The following OR6J1 variants were observed in gnomAD, a reference collection of about 807,000 sequenced individuals.
The protein encoded by OR6J1 is olfactory receptor 6J1.
For missense variants in OR6J1, 304 were observed against 166.8 expected, an observed-to-expected ratio of 1.82 and a Z score of -4.53; for synonymous variants, 109 against 70.0, an observed-to-expected ratio of 1.56 and a Z score of -2.78.
chr14:22,640,483 GTA>G (rs760055333), intron 1 of OR6J1, among the ~76,000 whole-genome samples: 3 of 132,652 alleles, frequency 2.3e-5, no homozygotes, highest in Non-Finnish European at 3.2e-5. Context: ...CAGTGAGAAT[GTA>G]TTTTTTTTTT....
chr14:22,639,726 A>G (rs1443428928), intron 1 of OR6J1, among the ~76,000 whole-genome samples: 1 of 123,620 alleles, frequency 8.1e-6, no homozygotes, highest in Admixed American at 7.5e-5. Flanking sequence ...GTGTCCACTC[A>G]GGGTTAAATG....
intron 1 of OR6J1, among the ~76,000 whole-genome samples, chr14:22,636,556 G>A (rs1414333038): frequency 1.6e-4 from 18 of 115,642 alleles, no homozygotes; most frequent in Admixed American, 1.1e-3. Flanking sequence ...GATTGCAGGC[G>A]CACGCCGCCA....
At position 22,632,560 on chromosome 14, in the gene OR6J1, C is replaced by T. The variant is rs112854205; in HGVS notation, c.*1208G>A. The T allele has an allele frequency of 0.23, 35,308 of 151,930 alleles. 4,348 individuals are homozygous for T. The highest frequency in any genetic ancestry group is 0.32 in the African/African-American group (13,373 of 41,350). The allele number at this position is 151,930 out of a possible 1,614,324, so 9.4% of individuals were successfully genotyped here. A position where few individuals can be genotyped will look rare whatever the true frequency, so the allele number is the denominator to read the frequency against. ...CATCCTGGGCGACAGAGTGAGACTCCGTCTCAAAACAAAAACAAAACAGAT... is the reference window on the plus strand; with the variant it reads ...CATCCTGGGCGACAGAGTGAGACTCTGTCTCAAAACAAAAACAAAACAGAT... On this transcript the variant is annotated 3_prime_UTR_variant, in exon 2 of 2. Coordinates refer to ENST00000540461, the MANE Select transcript of OR6J1 (RefSeq NM_001348233.2).
intron 1 of OR6J1, among the ~76,000 whole-genome samples, chr14:22,635,629 T>G (rs1632549): frequency 0.23 from 35,331 of 151,998 alleles, 4,388 homozygotes; most frequent in African/African-American, 0.32. Context: ...GGCACAAATA[T>G]ACATAAAAAT....
intron 1 of OR6J1, among the ~76,000 whole-genome samples, chr14:22,643,750 CACACACACACACACAGAG>C (rs1177190806): frequency 4.9e-4 from 53 of 107,628 alleles, no homozygotes; most frequent in African/African-American, 1.7e-3. Flanking sequence ...CACACACACA[CACACACACACACACAGAG>C]AGAGAGAGAG....
intron 1 of OR6J1, among the ~76,000 whole-genome samples, chr14:22,640,529 C>T (rs1233226451): frequency 8.1e-6 from 1 of 123,292 alleles, no homozygotes; most frequent in Non-Finnish European, 1.6e-5. Flanking sequence ...CTTACTCTGT[C>T]ACCCAGGCTG....
chr14:22,641,266 A>AAAGAAAGAAAGAAAGGAAGG (rs1290848247), intron 1 of OR6J1, among the ~76,000 whole-genome samples: 4 of 122,786 alleles, frequency 3.3e-5, no homozygotes, highest in African/African-American at 1.3e-4. Context: ...AGAAAGAAAG[A>AAAGAAAGAAAGAAAGGAAGG]AAGGAAGGAA....
chr14:22,633,563 C>T lies in OR6J1; in HGVS notation c.*205G>A, dbSNP rs1423140293. 1 of 560,188 alleles carries T rather than the reference C, an allele frequency of 1.8e-6. No individual in the cohort carries two copies. The allele number at this position is 560,188 out of a possible 1,614,324, so 34.7% of individuals were successfully genotyped here. On this transcript the variant is annotated 3_prime_UTR_variant, in exon 2 of 2. Coordinates refer to ENST00000540461, the MANE Select transcript of OR6J1 (RefSeq NM_001348233.2). The stretch of plus-strand genomic sequence containing the variant: ...CTTACAATATTCAGTGTGGATGGGG[C>T]TTAGAGATCATCAAGTCCAGCCCTG...
At position 22,632,512 on chromosome 14, in the gene OR6J1, G is replaced by C. The variant is rs1435334850; in HGVS notation, c.*1256C>G. The C allele has an allele frequency of 2.6e-5, 4 of 152,268 alleles. No homozygotes were observed. Among genetic ancestry groups the C allele is most frequent in the Non-Finnish European group, 5.9e-5 (4 of 68,094 alleles). The allele number at this position is 152,268 out of a possible 1,614,324, so 9.4% of individuals were successfully genotyped here. A position where few individuals can be genotyped will look rare whatever the true frequency, so the allele number is the denominator to read the frequency against. ...ACCCAGGAGGCGGAGGTTGCAGTGAGCTGAGATTGCACCACTGCACTCCAT... is the reference window on the plus strand; with the variant it reads ...ACCCAGGAGGCGGAGGTTGCAGTGACCTGAGATTGCACCACTGCACTCCAT... On this transcript the variant is annotated 3_prime_UTR_variant, in exon 2 of 2. Coordinates refer to ENST00000540461, the MANE Select transcript of OR6J1 (RefSeq NM_001348233.2).
At chr14:22,642,312 AATATAT>A (rs71421135) in intron 1 of OR6J1, among the ~76,000 whole-genome samples, 1,446 of 109,098 alleles carry the variant, frequency 0.013, 40 homozygotes, top group African/African-American at 0.03. Flanking sequence ...TCAACTTAAG[AATATAT>A]ATATATATAT....
chr14:22,638,254 G>A (rs1442699525), intron 1 of OR6J1, among the ~76,000 whole-genome samples: 3 of 66,852 alleles, frequency 4.5e-5, no homozygotes, highest in East Asian at 3.4e-4. Context: ...GATGGTTGCC[G>A]GGTCTGTGTG....
In OR6J1 at chr14:22,633,869, T is replaced by C. The variant is rs1282518699; in HGVS notation, c.943A>G (p.Met315Val). ...AATCTGCTTCTCAGCACTGCCCTCA[T>C]CCTCTTTTCAAAAACTCCTCGAACC... is the stretch of plus-strand genomic sequence containing the variant. ...VRVRGVFEKR[M>V]RAVLRSRLSS... The change falls in exon 2 of 2, where the codon ATG becomes GTG. Residue 315 changes from methionine to valine, a missense_variant. Met to Val is a conservative substitution (Grantham distance 21). Transcript: ENST00000540461. The C allele has an allele frequency of 1.4e-6, 1 of 702,830 alleles. No homozygotes were observed. Among genetic ancestry groups the C allele is most frequent in the South Asian group, 1.5e-5 (1 of 67,594 alleles). The allele number at this position is 702,830 out of a possible 1,614,324, so 43.5% of individuals were successfully genotyped here. A position where few individuals can be genotyped will look rare whatever the true frequency, so the allele number is the denominator to read the frequency against.
rs1471723603 is a variant in OR6J1, at chr14:22,636,965, C to T, written c.-27-2127G>A. ...CCCGGCCGCCATCCCATCTAGGAAG[C>T]GAGGAGCGCCTCTTCCCGGCCGCCT... On this transcript the variant is annotated intron_variant, in intron 1 of 1. Coordinates refer to ENST00000540461, the MANE Select transcript of OR6J1 (RefSeq NM_001348233.2). 5.3e-4 allele frequency among the ~76,000 whole-genome samples: 65 copies of T among 123,390 alleles called. 3 individuals carry two copies. The South Asian group carries it at 6.6e-3, about 13-fold the overall frequency. 80.9% of individuals were successfully genotyped at this position (123,390 alleles called of 152,430 possible).
chr14:22,632,921 AT>A lies in OR6J1; in HGVS notation c.*846del, dbSNP rs987403444. On this transcript the variant is annotated 3_prime_UTR_variant, in exon 2 of 2. Coordinates refer to ENST00000540461, the MANE Select transcript of OR6J1 (RefSeq NM_001348233.2). ...AGGGGCAGACTGGTTTCCTCTAATT[AT>A]TCATCAGCTTGCACCTGGCACCCAA... 44 of 152,226 alleles carry A rather than the reference AT, an allele frequency of 2.9e-4. No homozygotes were observed. Among genetic ancestry groups the A allele is most frequent in the African/African-American group, 1.0e-3 (43 of 41,520 alleles). The allele number at this position is 152,226 out of a possible 1,614,324, so 9.4% of individuals were successfully genotyped here.
chr14:22,631,049 G>C lies in OR6J1; in HGVS notation c.*2719C>G, dbSNP rs932686643. 5.9e-5 allele frequency: 9 copies of C among 152,140 alleles called. No individual in the cohort carries two copies. The highest frequency in any genetic ancestry group is 2.2e-4 in the African/African-American group (9 of 41,414). The allele number at this position is 152,140 out of a possible 1,614,324, so 9.4% of individuals were successfully genotyped here. A position where few individuals can be genotyped will look rare whatever the true frequency, so the allele number is the denominator to read the frequency against. ...ACTTTCAAAAGGGGAGGGAGTGTAC[G>C]AATAGGTGTGGGTCACAGAGGTCAC... On this transcript the variant is annotated 3_prime_UTR_variant, in exon 2 of 2. Transcript: ENST00000540461.
chr14:22,639,732 A>G (rs1434329588), intron 1 of OR6J1, among the ~76,000 whole-genome samples: 3 of 123,458 alleles, frequency 2.4e-5, no homozygotes, highest in East Asian at 2.1e-4. Context: ...ACTCAGGGTT[A>G]AATGGATTAA....
At chr14:22,636,214 A>C (rs1482291454) in intron 1 of OR6J1, among the ~76,000 whole-genome samples, 6 of 111,114 alleles carry the variant, frequency 5.4e-5, no homozygotes, top group Middle Eastern at 4.3e-3. Flanking sequence ...AATATAAATT[A>C]AGACACTAGC....
Position 22,634,368 on chromosome 14 carries a change from C to G in OR6J1, c.444G>C (p.Trp148Cys). The change falls in exon 2 of 2, where the codon TGG (tryptophan) becomes TGC (cysteine). Residue 148 changes from tryptophan to cysteine, a missense_variant. By Grantham distance (215) the Trp-to-Cys change is radical. Coordinates refer to ENST00000540461, the MANE Select transcript of OR6J1 (RefSeq NM_001348233.2). ...SVCIGTVVFS[W>C]VGGFLSVLFP... ...AGAGCACAGACAGGAAGCCTCCCAC[C>G]CAAGAGAATACAACGGTCCCAATGC... The G allele has an allele frequency of 1.4e-6, 1 of 703,302 alleles. No homozygotes were observed. The highest frequency in any genetic ancestry group is 1.5e-5 in the South Asian group (1 of 67,580). The allele number at this position is 703,302 out of a possible 1,614,324, so 43.6% of individuals were successfully genotyped here. A position where few individuals can be genotyped will look rare whatever the true frequency, so the allele number is the denominator to read the frequency against.
chr14:22,637,633 T>TG (rs1218739535), intron 1 of OR6J1, among the ~76,000 whole-genome samples: 3 of 44,428 alleles, frequency 6.8e-5, no homozygotes, highest in African/African-American at 1.1e-4. Flanking sequence ...GGGAGGGAGG[T>TG]GGGGGGGTCA....
Sources: gnomAD v4.1 joint callset for allele counts (sites outside exome capture counted in the v4.1 genomes callset) on GRCh38, gnomAD v4.1.1 for gene constraint, MANE v1.5 for transcripts, NCBI Gene and HGNC (gene_info 2026-07-23, HGNC 2026-07-21) for gene names.